Variants in CNTN1 observed in about 807,000 individuals in gnomAD.
CNTN1 encodes the protein contactin 1.
A neutral mutation model predicts 126.4 loss-of-function variants in CNTN1; 38 were observed. That is an observed-to-expected ratio of 0.30 (90% CI 0.23 to 0.39). CNTN1 has a LOEUF of 0.39. Ranked by LOEUF, CNTN1 falls within the 10% of genes least tolerant of loss-of-function variation. The pLI is 1.00. For missense variants in CNTN1, 1,009 were observed against 1,248.4 expected, an observed-to-expected ratio of 0.81 and a Z score of 2.89; for synonymous variants, 413 against 422.6, an observed-to-expected ratio of 0.98 and a Z score of 0.28.
At chr12:40,945,553 T>A (rs922449720) in intron 14 of CNTN1, among the ~76,000 whole-genome samples, 2 of 151,924 alleles carry the variant, frequency 1.3e-5, no homozygotes, top group Non-Finnish European at 2.9e-5. Context: ...TCTATGTAAA[T>A]AAATTTGCAG....
intron 7 of CNTN1, among the ~76,000 whole-genome samples, chr12:40,931,375 A>G (rs1468474432): frequency 6.6e-6 from 1 of 151,834 alleles, no homozygotes; most frequent in Non-Finnish European, 1.5e-5. Context: ...TTCTTCACAA[A>G]ATATTCTTCT....
At chr12:40,785,309 G>T (rs1939969379) in intron 1 of CNTN1, among the ~76,000 whole-genome samples, 1 of 152,076 alleles carries the variant, frequency 6.6e-6, no homozygotes, top group Non-Finnish European at 1.5e-5. Context: ...CTCAGTTTCT[G>T]GTGAGGCCTC....
At chr12:40,765,558 T>C (rs1476166738) in intron 1 of CNTN1, among the ~76,000 whole-genome samples, 2 of 152,130 alleles carry the variant, frequency 1.3e-5, no homozygotes, top group African/African-American at 4.8e-5. Context: ...ATAATAAGTT[T>C]GGTTAACAGA....
chr12:40,859,734 G>A (rs1388258243), intron 1 of CNTN1, among the ~76,000 whole-genome samples: 1 of 152,088 alleles, frequency 6.6e-6, no homozygotes, highest in Admixed American at 6.6e-5. Context: ...TACCACAGGA[G>A]TGAAGGGTAC....
At chr12:40,950,098 GT>G (rs1345179107) in intron 14 of CNTN1, among the ~76,000 whole-genome samples, 444 of 4,326 alleles carry the variant, frequency 0.1, 3 homozygotes, top group African/African-American at 0.31. Flanking sequence ...TGTTGAGAGG[GT>G]GTGTGTGTGT....
chr12:40,954,820 G>A (rs1194564580), intron 14 of CNTN1, among the ~76,000 whole-genome samples: 1 of 152,052 alleles, frequency 6.6e-6, no homozygotes, highest in African/African-American at 2.4e-5. Flanking sequence ...TCTTCTCCCC[G>A]TGCAGTTAAA....
chr12:40,767,551 G>A (rs1412168397), intron 1 of CNTN1, among the ~76,000 whole-genome samples: 1 of 151,746 alleles, frequency 6.6e-6, no homozygotes, highest in Non-Finnish European at 1.5e-5. Context: ...CTCTTGATCC[G>A]CCCGCCTTGG....
intron 15 of CNTN1, among the ~76,000 whole-genome samples, chr12:40,966,027 C>T (rs1947296858): frequency 6.6e-6 from 1 of 151,406 alleles, no homozygotes; most frequent in South Asian, 2.1e-4. Context: ...CACACACACA[C>T]ACACACACAC....
intron 1 of CNTN1, among the ~76,000 whole-genome samples, chr12:40,839,007 T>C (rs2136575320): frequency 6.6e-6 from 1 of 152,118 alleles, no homozygotes; most frequent in Middle Eastern, 3.4e-3. Context: ...AGTCTGAAAA[T>C]GATACAAAGA....
chr12:40,935,102 G>C (rs35243767), intron 9 of CNTN1, among the ~76,000 whole-genome samples: 5,268 of 151,980 alleles, frequency 0.035, 116 homozygotes, highest in Middle Eastern at 0.11. Flanking sequence ...CATGGCTTTA[G>C]ACACACTCTG....
intron 1 of CNTN1, among the ~76,000 whole-genome samples, chr12:40,757,922 T>C (rs1348266890): frequency 6.6e-6 from 1 of 152,084 alleles, no homozygotes; most frequent in Admixed American, 6.6e-5. Context: ...TAACATGCTA[T>C]TTAGTTTATA....
At chr12:40,716,707 G>A (rs1206004101) in intron 1 of CNTN1, among the ~76,000 whole-genome samples, 2 of 152,182 alleles carry the variant, frequency 1.3e-5, no homozygotes, top group Non-Finnish European at 2.9e-5. Context: ...TGTAATTGTA[G>A]TTGAAAACCA....
rs748122747 is a variant in CNTN1, at chr12:41,025,266, A to T, written c.2640A>T (p.Glu880Asp). The change falls in exon 21 of 24, where the codon GAA (glutamate) becomes GAT (aspartate). Residue 880 changes from glutamate to aspartate, a missense_variant. Physicochemically the swap from Glu to Asp is conservative, Grantham distance 45 (BLOSUM62 2). Coordinates refer to ENST00000551295, the MANE Select transcript of CNTN1 (RefSeq NM_001843.4). Reference sequence around the variant, plus strand: ...TGCCAGACACCCAGTATTTTATAGAAGTCGGGGCCTGCAATAGTGCAGGGT... The same window carrying T: ...TGCCAGACACCCAGTATTTTATAGATGTCGGGGCCTGCAATAGTGCAGGGT... The part of the protein sequence containing the change: ...NLLPDTQYFI[E>D]VGACNSAGCG... The T allele has an allele frequency of 2.7e-5, 44 of 1,613,862 alleles. No homozygotes were observed. Among genetic ancestry groups the T allele is most frequent in the Non-Finnish European group, 3.5e-5 (41 of 1,179,854 alleles).
At chr12:40,920,108 C>T (rs562388607) in intron 4 of CNTN1, among the ~76,000 whole-genome samples, 1 of 152,150 alleles carries the variant, frequency 6.6e-6, no homozygotes, top group Non-Finnish European at 1.5e-5. Context: ...CATTATTTAT[C>T]TATCTGGATA....
At chr12:41,000,454 A>G (rs12306182) in intron 17 of CNTN1, among the ~76,000 whole-genome samples, 1 of 152,142 alleles carries the variant, frequency 6.6e-6, no homozygotes, top group East Asian at 1.9e-4. Context: ...AGTTATTTTA[A>G]TACTCCAGCT....
chr12:40,909,055 C>G (rs1944934713), intron 2 of CNTN1, among the ~76,000 whole-genome samples: 1 of 152,058 alleles, frequency 6.6e-6, no homozygotes, highest in South Asian at 2.1e-4. Context: ...TTAATAATCA[C>G]TTCTTAAGAG....
At chr12:41,062,251 C>G (rs1949951552) in intron 23 of CNTN1, among the ~76,000 whole-genome samples, 1 of 152,064 alleles carries the variant, frequency 6.6e-6, no homozygotes, top group African/African-American at 2.4e-5. Flanking sequence ...GGTTTGAAGC[C>G]AATTCAGCTA....
chr12:41,059,621 A>C (rs1949897085), intron 23 of CNTN1, among the ~76,000 whole-genome samples: 1 of 152,238 alleles, frequency 6.6e-6, no homozygotes, highest in African/African-American at 2.4e-5. Context: ...CTGTAAATAC[A>C]AATAATGATA....
At chr12:40,978,762 G>T (rs1313983122) in intron 15 of CNTN1, 1 of 152,036 alleles carries the variant, frequency 6.6e-6, no homozygotes, top group African/African-American at 2.4e-5. Context: ...AAGAACATCA[G>T]AGAATAACAG....
Sources: allele counts gnomAD v4.1 joint callset (sites outside exome capture counted in the v4.1 genomes callset), GRCh38; gene constraint gnomAD v4.1.1; transcripts MANE v1.5; gene names NCBI Gene and HGNC (gene_info 2026-07-23, HGNC 2026-07-21).